RAB33B: variants seen among roughly 807,000 people sequenced by gnomAD.
RAB33B encodes the protein RAB33B, member RAS oncogene family.
A neutral mutation model predicts 15.0 loss-of-function variants in RAB33B; 6 were observed. The ratio of observed to expected loss-of-function variants is 0.40; its 90% CI spans 0.22 to 0.79. RAB33B has a LOEUF of 0.79. RAB33B is among the 30% of genes least tolerant of loss of function. The pLI is 0.37. For missense variants in RAB33B, 257 were observed against 296.4 expected (o/e 0.87, Z 0.98); for synonymous variants, 117 against 108.3 (o/e 1.08, Z -0.50).
chr4:139,454,189 C>T lies in RAB33B; in HGVS notation c.-7C>T, dbSNP rs1358155051. The T allele has an allele frequency of 1.2e-6, 2 of 1,606,324 alleles. No homozygotes were observed. The highest frequency in any genetic ancestry group is 1.7e-5 in the Admixed American group (1 of 59,618). On this transcript the variant is annotated 5_prime_UTR_variant, in exon 1 of 2. Coordinates refer to ENST00000305626, the MANE Select transcript of RAB33B (RefSeq NM_031296.3). ...TCCTCCGCCTCAGTTTGGGGCGGGTCGGGGGAATGGCTGAGGAGATGGAGT... is the reference window on the plus strand; with the variant it reads ...TCCTCCGCCTCAGTTTGGGGCGGGTTGGGGGAATGGCTGAGGAGATGGAGT...
rs78192594 is a variant in RAB33B at position 139,473,380 on chromosome 4, A to G, written c.*254A>G. 20,186 of 453,864 alleles carry G rather than the reference A, an allele frequency of 0.044. 626 individuals are homozygous for G. The highest frequency in any genetic ancestry group is 0.062 in the Non-Finnish European group (16,018 of 256,690). 28.1% of individuals were successfully genotyped at this position (453,864 alleles called of 1,614,324 possible). On this transcript the variant is annotated 3_prime_UTR_variant, in exon 2 of 2. Coordinates refer to ENST00000305626, the MANE Select transcript of RAB33B (RefSeq NM_031296.3). ...TGAACATCTCTCCATCTAGAGCCCA[A>G]TGAAGGAAGCTTCAAATGAGAACAT...
At chr4:139,469,420 T>C (rs1286247038) in intron 1 of RAB33B, among the ~76,000 whole-genome samples, 6 of 152,218 alleles carry the variant, frequency 3.9e-5, no homozygotes. Context: ...CTCTGTGTTA[T>C]CTCGAGTTTC....
chr4:139,453,991 G>C (rs13126617), upstream of RAB33B: 112,847 of 474,664 alleles, frequency 0.24, 14,373 homozygotes, highest in Non-Finnish European at 0.27. Flanking sequence ...AGGCGGCTCC[G>C]TGCGGCGGGG....
chr4:139,446,569 A>C, the RAB33B span, among the ~76,000 whole-genome samples: 1 of 152,260 alleles, frequency 6.6e-6, no homozygotes, highest in Admixed American at 6.5e-5. Context: ...ATGTGGATGT[A>C]TCTCTCTGAG....
chr4:139,451,588 C>G (rs1561000544), upstream of RAB33B: 1 of 152,084 alleles, frequency 6.6e-6, no homozygotes, highest in South Asian at 2.1e-4. Context: ...GTTGGCCAGG[C>G]TGGTCTCAAA....
chr4:139,452,062 TAAC>T (rs1413630573), upstream of RAB33B: 1 of 152,232 alleles, frequency 6.6e-6, no homozygotes, highest in Non-Finnish European at 1.5e-5. Context: ...AAACTCCTCA[TAAC>T]AATGTCAAGT....
intron 1 of RAB33B, among the ~76,000 whole-genome samples, chr4:139,459,050 A>G (rs1750120172): frequency 6.7e-6 from 1 of 149,452 alleles, no homozygotes; most frequent in Non-Finnish European, 1.5e-5. Context: ...CCACAGATAT[A>G]TCTTCTTTTG....
chr4:139,472,676 C>T lies in RAB33B; in HGVS notation c.250-10C>T, dbSNP rs1245877545. 4 of 1,560,978 alleles carry T rather than the reference C, an allele frequency of 2.6e-6. No individual in the cohort carries two copies. The Admixed American group carries it at 5.8e-5, about 23-fold the overall frequency. On this transcript the variant is annotated splice_polypyrimidine_tract_variant and intron_variant, in intron 1 of 1. Transcript: ENST00000305626. ...ATTTTCAGTTTTCCTCTTTTTCTTC[C>T]CATTTTTAGATCCAGCTATGGGACA...
At chr4:139,442,591 C>T in the RAB33B span, among the ~76,000 whole-genome samples, 2 of 152,076 alleles carry the variant, frequency 1.3e-5, no homozygotes, top group African/African-American at 4.8e-5. Context: ...GCAGAAAAAA[C>T]GTGAAAAGAT....
intron 1 of RAB33B, among the ~76,000 whole-genome samples, chr4:139,458,163 T>C (rs1750106112): frequency 6.6e-6 from 1 of 152,204 alleles, no homozygotes; most frequent in Non-Finnish European, 1.5e-5. Context: ...TGTTGTGGCT[T>C]GTGCCTGTAG....
Position 139,454,454 on chromosome 4 carries a change from T to C in RAB33B, c.249+10T>C, listed in dbSNP as rs747305009. 1.9e-5 allele frequency: 31 copies of C among 1,604,564 alleles called. No individual in the cohort carries two copies. In the South Asian group the frequency reaches 3.0e-4, roughly 15 times the overall value. On this transcript the variant is annotated intron_variant, in intron 1 of 1. Coordinates refer to ENST00000305626, the MANE Select transcript of RAB33B (RefSeq NM_031296.3). The stretch of plus-strand genomic sequence containing the variant: ...TGGGGAGCGCATCAAGGTGAGCGGA[T>C]GGGGAACTGTTGGGGAGGACAGGGT...
rs1167215026 is a variant in RAB33B, at chr4:139,474,221, A to C, written c.*1095A>C. On this transcript the variant is annotated 3_prime_UTR_variant, in exon 2 of 2. Coordinates refer to ENST00000305626, the MANE Select transcript of RAB33B (RefSeq NM_031296.3). ...CCCAGCCGAGTTGCTTTCTTACTAA[A>C]TCCTATTAAAATATGCAAAAATAAG... 6.6e-6 allele frequency: 1 copy of C among 152,104 alleles called. No individual in the cohort carries two copies. Among genetic ancestry groups the C allele is most frequent in the Non-Finnish European group, 1.5e-5 (1 of 68,010 alleles). 9.4% of individuals were successfully genotyped at this position (152,104 alleles called of 1,614,324 possible).
chr4:139,449,466 AT>A (rs1451083364), upstream of RAB33B: 3 of 152,176 alleles, frequency 2.0e-5, no homozygotes, highest in Non-Finnish European at 4.4e-5. Context: ...GGAGATTAAC[AT>A]TTGAGTTAGT....
chr4:139,456,683 C>T (rs1579173412), intron 1 of RAB33B, among the ~76,000 whole-genome samples: 1 of 152,176 alleles, frequency 6.6e-6, no homozygotes, highest in Non-Finnish European at 1.5e-5. Flanking sequence ...TTCTAAGGCC[C>T]TAGCCGTTGA....
At chr4:139,452,140 TAAC>T (rs1561000769), upstream of RAB33B, 1 of 152,246 alleles carries the variant, frequency 6.6e-6, no homozygotes, top group African/African-American at 2.4e-5. Context: ...ATGTTCAAGT[TAAC>T]AATCCTTACA....
the RAB33B span, among the ~76,000 whole-genome samples, chr4:139,439,430 T>C: frequency 6.6e-6 from 1 of 152,280 alleles, no homozygotes; most frequent in Admixed American, 6.5e-5. Context: ...ATCATTTGTA[T>C]GCGAAGAGTC....
intron 1 of RAB33B, among the ~76,000 whole-genome samples, chr4:139,457,085 G>A (rs1047062400): frequency 4.6e-5 from 7 of 152,130 alleles, no homozygotes; most frequent in South Asian, 4.1e-4. Flanking sequence ...GAGATATTGC[G>A]TTAAATGTTT....
upstream of RAB33B, chr4:139,454,099 C>A (rs551015649): frequency 3.5e-6 from 5 of 1,419,074 alleles, no homozygotes; most frequent in Non-Finnish European, 3.8e-6. Context: ...GTTGCGCAGC[C>A]GAACTGGCCG....
the RAB33B span, among the ~76,000 whole-genome samples, chr4:139,440,651 TAC>T: frequency 3.3e-5 from 5 of 151,724 alleles, no homozygotes; most frequent in African/African-American, 1.2e-4. Flanking sequence ...CTCGCTCTGT[TAC>T]CTAGGCTGGA....
Sources: allele counts gnomAD v4.1 joint callset (sites outside exome capture counted in the v4.1 genomes callset), GRCh38; gene constraint gnomAD v4.1.1; transcripts MANE v1.5; gene names NCBI Gene and HGNC (gene_info 2026-07-23, HGNC 2026-07-21).